CDH4: variants seen among roughly 807,000 people sequenced by gnomAD.
CDH4 encodes the protein cadherin-4.
A neutral mutation model predicts 86.0 loss-of-function variants in CDH4; 33 were observed. The observed-to-expected ratio is 0.38, with a 90% CI of 0.29 to 0.51. The LOEUF is 0.51. Among genes scored for constraint, CDH4 ranks in the 20% least tolerant of loss-of-function variants. CDH4 has a pLI of 0.86. For synonymous variants in CDH4, 555 were observed against 549.4 expected (o/e 1.01, Z -0.14); for missense variants, 1,114 against 1,307.4 (o/e 0.85, Z 2.28).
chr20:61,816,536 G>T (rs1980719848), intron 4 of CDH4, among the ~76,000 whole-genome samples: 1 of 152,196 alleles, frequency 6.6e-6, no homozygotes, highest in Non-Finnish European at 1.5e-5. Flanking sequence ...CATTCTCTCT[G>T]CTCCCTGAGA....
At chr20:61,874,841 C>G (rs1179787994) in intron 7 of CDH4, among the ~76,000 whole-genome samples, 2 of 152,246 alleles carry the variant, frequency 1.3e-5, no homozygotes, top group African/African-American at 4.8e-5. Context: ...AGAGCCACCT[C>G]GCTGGGCTCA....
intron 2 of CDH4, among the ~76,000 whole-genome samples, chr20:61,308,886 A>G (rs983908499): frequency 6.6e-6 from 1 of 152,202 alleles, no homozygotes; most frequent in Non-Finnish European, 1.5e-5. Flanking sequence ...GGGCTGGGCT[A>G]TGGGAAGCAG....
intron 2 of CDH4, among the ~76,000 whole-genome samples, chr20:61,342,491 C>T (rs1031332999): frequency 6.6e-6 from 1 of 152,184 alleles, no homozygotes; most frequent in African/African-American, 2.4e-5. Context: ...GTTTGAGCTC[C>T]TATGAGAATC....
At chr20:61,848,220 T>A (rs994254843) in intron 5 of CDH4, among the ~76,000 whole-genome samples, 3 of 151,894 alleles carry the variant, frequency 2.0e-5, no homozygotes, top group Non-Finnish European at 4.4e-5. Flanking sequence ...CCTCCCACAC[T>A]CCCCACCTGA....
rs1981506988 is a variant in CDH4, at chr20:61,829,776, G to T, written c.577-14892G>T. Among the ~76,000 whole-genome samples the T allele has an allele frequency of 6.6e-6, 1 of 152,118 alleles. No homozygotes were observed. Among genetic ancestry groups the T allele is most frequent in the Non-Finnish European group, 1.5e-5 (1 of 67,986 alleles). ...CCCTTGCTCAGCCTCCAGCTTTGGG[G>T]CTGATGGCTCTGCCCCCAGGGAGTC... On this transcript the variant is annotated intron_variant, in intron 4 of 15. Transcript: ENST00000614565. The surrounding 1 kb of genome is among the most constrained non-coding windows in gnomAD (Gnocchi z 4.2).
chr20:61,583,399 G>A (rs570537734), intron 2 of CDH4, among the ~76,000 whole-genome samples: 1 of 152,236 alleles, frequency 6.6e-6, no homozygotes, highest in East Asian at 1.9e-4. Context: ...GCCTGTCCCT[G>A]TGCAGAGAGC....
At chr20:61,285,138 C>T (rs1361867200) in intron 2 of CDH4, among the ~76,000 whole-genome samples, 3 of 152,074 alleles carry the variant, frequency 2.0e-5, no homozygotes, top group Non-Finnish European at 2.9e-5. Context: ...GGCCCCTGGC[C>T]GACAGCCAAG....
intron 2 of CDH4, among the ~76,000 whole-genome samples, chr20:61,410,464 TC>T (rs576515998): frequency 0.15 from 18,295 of 126,092 alleles, 1,632 homozygotes; most frequent in East Asian, 0.43. Context: ...CATCCATCCA[TC>T]CATCCTCTCA....
chr20:61,933,463 G>A lies in CDH4; in HGVS notation c.2379+339G>A, dbSNP rs184505709. 6.0e-4 allele frequency among the ~76,000 whole-genome samples: 92 copies of A among 152,334 alleles called. 2 individuals are homozygous for A. The East Asian group carries it at 0.017, about 28-fold the overall frequency. ...CGGATGCTGCTGTGTGCAGAGGGCT[G>A]TCGACTGACCAGGGGCAGTGCACCA... On this transcript the variant is annotated intron_variant, in intron 14 of 15. Transcript: ENST00000614565.
intron 2 of CDH4, among the ~76,000 whole-genome samples, chr20:61,375,715 T>A (rs2084864811): frequency 1.5e-5 from 2 of 133,558 alleles, no homozygotes; most frequent in Non-Finnish European, 3.2e-5. Flanking sequence ...GATGGTGTAG[T>A]TTGTTGATGG....
intron 8 of CDH4, among the ~76,000 whole-genome samples, chr20:61,900,001 A>T (rs1273377230): frequency 6.6e-6 from 1 of 152,148 alleles, no homozygotes; most frequent in Non-Finnish European, 1.5e-5. Flanking sequence ...TTCCCTCCCC[A>T]AGCCGCCCGA....
chr20:61,666,606 C>T (rs1211607602), intron 2 of CDH4, among the ~76,000 whole-genome samples: 1 of 152,214 alleles, frequency 6.6e-6, no homozygotes, highest in African/African-American at 2.4e-5. Flanking sequence ...ACAGAGGCCA[C>T]ATCCGCAGAA....
chr20:61,555,377 G>A (rs370148175), intron 2 of CDH4, among the ~76,000 whole-genome samples: 199 of 152,310 alleles, frequency 1.3e-3, no homozygotes, highest in African/African-American at 4.6e-3. Flanking sequence ...AGCTAAGTGT[G>A]GTGCAGGTAA....
At chr20:61,462,468 G>A (rs955222641) in intron 2 of CDH4, among the ~76,000 whole-genome samples, 4 of 152,192 alleles carry the variant, frequency 2.6e-5, no homozygotes, top group African/African-American at 9.7e-5. Context: ...AATCAAGGGG[G>A]TGTAGTAATC....
rs2055251362 is a variant in CDH4, at chr20:61,940,478, G to GGAA, written c.*3538_*3540dup. 6.6e-6 allele frequency: 1 copy of GGAA among 152,136 alleles called. No homozygotes were observed. Among genetic ancestry groups the GGAA allele is most frequent in the African/African-American group, 2.4e-5 (1 of 41,424 alleles). 9.4% of individuals were successfully genotyped at this position (152,136 alleles called of 1,614,324 possible). ...CCAAAAAAAAAAAGGAAAAAAAAAGGGAAGAGAGTTGATGTTTTCAGTGTG... is the reference window on the plus strand; with the variant it reads ...CCAAAAAAAAAAAGGAAAAAAAAAGGGAAGAAGAGAGTTGATGTTTTCAGTGTG... On this transcript the variant is annotated 3_prime_UTR_variant, in exon 16 of 16. Transcript: ENST00000614565.
rs892798602 is a variant in CDH4, at chr20:61,584,334, T to A, written c.170-159229T>A. The stretch of plus-strand genomic sequence containing the variant: ...AGACAGCATCGTCGACCCCTGCAGA[T>A]CAATATTGAGAAGGTCTCCCTCAGA... On this transcript the variant is annotated intron_variant, in intron 2 of 15. Transcript: ENST00000614565. Among the ~76,000 whole-genome samples the A allele has an allele frequency of 5.9e-5, 9 of 152,130 alleles. 1 individual carries two copies. The highest frequency in any genetic ancestry group is 5.2e-4 in the Admixed American group (8 of 15,280).
chr20:61,326,998 C>G (rs978423247), intron 2 of CDH4, among the ~76,000 whole-genome samples: 1 of 152,110 alleles, frequency 6.6e-6, no homozygotes, highest in Non-Finnish European at 1.5e-5. Flanking sequence ...CTAGAAGTTT[C>G]AAGATTTACC....
chr20:61,319,953 TAA>T (rs5842349), intron 2 of CDH4, among the ~76,000 whole-genome samples: 273 of 145,242 alleles, frequency 1.9e-3, no homozygotes, highest in South Asian at 1.8e-3. Flanking sequence ...AGACTCCATC[TAA>T]AAAAAAAAAA....
intron 4 of CDH4, among the ~76,000 whole-genome samples, chr20:61,836,673 A>G (rs1171012623): frequency 1.3e-5 from 2 of 152,352 alleles, no homozygotes; most frequent in East Asian, 1.9e-4. Flanking sequence ...AGTTGGGGGG[A>G]AAACAAGTGA....
Sources: gnomAD v4.1 joint callset for allele counts (sites outside exome capture counted in the v4.1 genomes callset) on GRCh38, gnomAD v4.1.1 for gene constraint, Gnocchi (gnomAD v3.1) non-coding constraint, MANE v1.5 for transcripts, NCBI Gene and HGNC (gene_info 2026-07-23, HGNC 2026-07-21) for gene names.